Variants in NUBPL observed in about 807,000 individuals in gnomAD.
NUBPL encodes the protein iron-sulfur cluster transfer protein NUBPL.
NUBPL carries 31 observed loss-of-function variants against 45.7 expected under a neutral mutation model. The ratio of observed to expected loss-of-function variants is 0.68; its 90% CI spans 0.51 to 0.92. The LOEUF (loss-of-function observed/expected upper bound fraction) is 0.92. Among genes scored for constraint, NUBPL ranks in the 40% least tolerant of loss-of-function variants. The pLI, the probability that NUBPL is intolerant of heterozygous loss-of-function variation, is 0.00. For synonymous variants in NUBPL, 144 were observed against 140.9 expected (o/e 1.02, Z -0.15); for missense variants, 401 against 398.7 (o/e 1.01, Z -0.05).
intron 7 of NUBPL, among the ~76,000 whole-genome samples, chr14:31,817,856 G>C (rs2039947541): frequency 6.6e-6 from 1 of 152,072 alleles, no homozygotes; most frequent in Admixed American, 6.6e-5. Flanking sequence ...ATTAAAAGAT[G>C]CAGACTGTCA....
intron 7 of NUBPL, among the ~76,000 whole-genome samples, chr14:31,802,434 C>G (rs1019168264): frequency 6.6e-5 from 10 of 152,092 alleles, no homozygotes; most frequent in African/African-American, 2.4e-4. Context: ...TGCCACCATG[C>G]CTGGCTAATT....
chr14:31,757,753 T>C (rs930844554), intron 6 of NUBPL, among the ~76,000 whole-genome samples: 1 of 152,164 alleles, frequency 6.6e-6, no homozygotes, highest in African/African-American at 2.4e-5. Context: ...ATATTTCCTG[T>C]AATTAAATGT....
intron 10 of NUBPL, among the ~76,000 whole-genome samples, chr14:31,857,240 C>G (rs2040637050): frequency 6.6e-6 from 1 of 152,194 alleles, no homozygotes; most frequent in Non-Finnish European, 1.5e-5. Context: ...TCATTGGCCC[C>G]TTTCAGCCAT....
At chr14:31,579,103 C>T (rs2033795996) in intron 3 of NUBPL, among the ~76,000 whole-genome samples, 1 of 152,112 alleles carries the variant, frequency 6.6e-6, no homozygotes, top group Non-Finnish European at 1.5e-5. Context: ...GAAGCATAAG[C>T]CTTCTCCAAA....
chr14:31,655,539 C>T (rs550959616), intron 4 of NUBPL, among the ~76,000 whole-genome samples: 76 of 152,222 alleles, frequency 5.0e-4, no homozygotes, highest in Non-Finnish European at 9.1e-4. Context: ...ATGGCAAAAC[C>T]CCGTCTCTAC....
intron 6 of NUBPL, among the ~76,000 whole-genome samples, chr14:31,779,295 G>A (rs1011846590): frequency 3.3e-5 from 5 of 151,646 alleles, no homozygotes; most frequent in African/African-American, 4.8e-5. Context: ...CCGAGATGGC[G>A]CCATTGCACT....
rs142000572 is a variant in NUBPL, at chr14:31,595,715, C to T, written c.292-3574C>T. Among the ~76,000 whole-genome samples, 328 of 152,218 alleles carry T rather than the reference C, an allele frequency of 2.2e-3. 3 individuals are homozygous for T. Among genetic ancestry groups the T allele is most frequent in the African/African-American group, 7.5e-3 (311 of 41,524 alleles). ...AAAATAGGAGCCTATTTAAAAATAA[C>T]GGAGTCAATTATGAAAAACAAATGA... On this transcript the variant is annotated intron_variant, in intron 3 of 10. Coordinates refer to ENST00000281081, the MANE Select transcript of NUBPL (RefSeq NM_025152.3).
At chr14:31,634,576 T>G (rs1158178843) in intron 4 of NUBPL, among the ~76,000 whole-genome samples, 3 of 152,234 alleles carry the variant, frequency 2.0e-5, no homozygotes, top group South Asian at 2.1e-4. Context: ...TATAGCAGCA[T>G]GATTTATAGT....
intron 3 of NUBPL, among the ~76,000 whole-genome samples, chr14:31,595,365 T>C (rs2139541686): frequency 6.6e-6 from 1 of 152,374 alleles, no homozygotes; most frequent in East Asian, 1.9e-4. Flanking sequence ...GTTAAGTTTA[T>C]GGTGACATTA....
At chr14:31,671,813 CA>C (rs1235613263) in intron 4 of NUBPL, among the ~76,000 whole-genome samples, 3 of 152,096 alleles carry the variant, frequency 2.0e-5, no homozygotes, top group African/African-American at 2.4e-5. Flanking sequence ...TGGAATATGG[CA>C]GAGGATTTCT....
At chr14:31,603,360 A>C (rs76591257) in intron 4 of NUBPL, among the ~76,000 whole-genome samples, 12,347 of 151,480 alleles carry the variant, frequency 0.082, 830 homozygotes, top group African/African-American at 0.18. Flanking sequence ...AAAAACTGAT[A>C]ATTTTTTTAA....
At chr14:31,590,637 C>T (rs562506035) in intron 3 of NUBPL, among the ~76,000 whole-genome samples, 35 of 152,304 alleles carry the variant, frequency 2.3e-4, no homozygotes, top group African/African-American at 7.9e-4. Flanking sequence ...TTTCCAGCAT[C>T]TTTGCTGCAG....
At chr14:31,575,214 A>T (rs2033688559) in intron 3 of NUBPL, among the ~76,000 whole-genome samples, 1 of 152,206 alleles carries the variant, frequency 6.6e-6, no homozygotes, top group Non-Finnish European at 1.5e-5. Context: ...ACAAACTAAG[A>T]AATTGTAATT....
chr14:31,781,384 A>G (rs994828026), intron 6 of NUBPL, among the ~76,000 whole-genome samples: 14 of 152,230 alleles, frequency 9.2e-5, no homozygotes, highest in African/African-American at 3.4e-4. Flanking sequence ...AGGCCTGGTT[A>G]CATGAAACAG....
intron 6 of NUBPL, among the ~76,000 whole-genome samples, chr14:31,713,998 A>G (rs1046818024): frequency 9.2e-5 from 14 of 152,178 alleles, no homozygotes. Flanking sequence ...GACAGTACTG[A>G]TTGGCTATGT....
intron 7 of NUBPL, among the ~76,000 whole-genome samples, chr14:31,789,352 A>T (rs770511217): frequency 2.6e-5 from 4 of 151,978 alleles, no homozygotes; most frequent in Non-Finnish European, 5.9e-5. Flanking sequence ...AATAAATAAA[A>T]ATAAATATTA....
intron 10 of NUBPL, among the ~76,000 whole-genome samples, chr14:31,854,234 G>C (rs914964816): frequency 1.3e-5 from 2 of 152,136 alleles, no homozygotes; most frequent in Non-Finnish European, 2.9e-5. Context: ...GCGGACAGTA[G>C]GGTCCAACTG....
chr14:31,844,690 G>A (rs2040426434), intron 8 of NUBPL: 1 of 152,104 alleles, frequency 6.6e-6, no homozygotes, highest in African/African-American at 2.4e-5. Flanking sequence ...TGGACTATCA[G>A]TACTGTTCTT....
chr14:31,598,601 C>T (rs1283304052), intron 3 of NUBPL, among the ~76,000 whole-genome samples: 1 of 152,136 alleles, frequency 6.6e-6, no homozygotes, highest in Non-Finnish European at 1.5e-5. Context: ...TGACAGCCAG[C>T]GAAGAGCCCA....
Sources: allele counts gnomAD v4.1 joint callset (sites outside exome capture counted in the v4.1 genomes callset), GRCh38; gene constraint gnomAD v4.1.1; transcripts MANE v1.5; gene names NCBI Gene and HGNC (gene_info 2026-07-23, HGNC 2026-07-21).